Variants in RBMS3 observed in about 807,000 individuals in gnomAD.
RBMS3 encodes the protein RNA-binding motif, single-stranded-interacting protein 3.
Under a neutral mutation model 66.8 loss-of-function variants are expected in RBMS3, and 27 were observed. The ratio of observed to expected loss-of-function variants is 0.40; its 90% confidence interval spans 0.30 to 0.56. The LOEUF (loss-of-function observed/expected upper bound fraction) is 0.56. RBMS3 is among the 20% of genes least tolerant of loss of function. The pLI is 0.40. For missense variants in RBMS3, 513 were observed against 549.5 expected (o/e 0.93, Z 0.66); for synonymous variants, 188 against 183.0 (o/e 1.03, Z -0.22).
At chr3:29,880,758 T>G in intron 7 of RBMS3, 1 of 1,533,892 alleles carries the variant, frequency 6.5e-7, no homozygotes, top group Non-Finnish European at 8.7e-7. Flanking sequence ...CACTATCTCT[T>G]GTTGTCTCCT....
chr3:29,839,936 A>G lies in RBMS3; in HGVS notation c.638-28922A>G, dbSNP rs376776092. Among the ~76,000 whole-genome samples the G allele has an allele frequency of 3.3e-5, 5 of 152,050 alleles. No homozygotes were observed. The East Asian group carries it at 9.6e-4, about 29-fold the overall frequency. ...TAATCTTACTATAAAAATTTTATCTATAACATTTATACCAGTTACCTATCA... is the reference window on the plus strand; with the variant it reads ...TAATCTTACTATAAAAATTTTATCTGTAACATTTATACCAGTTACCTATCA... On this transcript the variant is annotated intron_variant, in intron 6 of 14. Transcript: ENST00000383767.
chr3:29,391,933 C>T (rs570042214), intron 1 of RBMS3, among the ~76,000 whole-genome samples: 1 of 152,114 alleles, frequency 6.6e-6, no homozygotes, highest in South Asian at 2.1e-4. Flanking sequence ...GGAATTATAG[C>T]CATGATAAAT....
intron 4 of RBMS3, among the ~76,000 whole-genome samples, chr3:29,669,845 G>A (rs1274231824): frequency 6.6e-6 from 1 of 152,166 alleles, no homozygotes; most frequent in Non-Finnish European, 1.5e-5. Flanking sequence ...GCACACATGA[G>A]TATGCAATAA....
At chr3:29,880,766 C>T (rs2059717927) in intron 7 of RBMS3, 2 of 1,535,332 alleles carry the variant, frequency 1.3e-6, no homozygotes, top group South Asian at 1.2e-5. Context: ...CTTGTTGTCT[C>T]CTCTTGCCAA....
intron 4 of RBMS3, 21 bp downstream of exon 4, chr3:29,587,226 T>A (rs763049340): frequency 2.6e-6 from 2 of 775,310 alleles, no homozygotes; most frequent in Non-Finnish European, 3.6e-6. Context: ...TGTTTAGGGG[T>A]GTTTTTTTTT....
chr3:29,782,533 G>A (rs57051893), intron 6 of RBMS3, among the ~76,000 whole-genome samples: 1 of 152,244 alleles, frequency 6.6e-6, no homozygotes, highest in African/African-American at 2.4e-5. Flanking sequence ...CTGAACAACA[G>A]CCATTGAATC....
intron 11 of RBMS3, among the ~76,000 whole-genome samples, chr3:29,941,271 GAA>G (rs2061388224): frequency 6.6e-6 from 1 of 151,692 alleles, no homozygotes; most frequent in Non-Finnish European, 1.5e-5. Context: ...TCACTGCTCT[GAA>G]ATTTTGATAG....
intron 12 of RBMS3, among the ~76,000 whole-genome samples, chr3:29,972,933 T>G (rs1697318625): frequency 6.6e-6 from 1 of 152,078 alleles, no homozygotes; most frequent in African/African-American, 2.4e-5. Context: ...CTCAGTTCTT[T>G]CATTTCCAAA....
At chr3:29,728,194 T>TG (rs968589334) in intron 4 of RBMS3, among the ~76,000 whole-genome samples, 2 of 108,098 alleles carry the variant, frequency 1.9e-5, no homozygotes, top group East Asian at 5.5e-4. Context: ...CATCACACAC[T>TG]GGGGGCCTGT....
At chr3:29,632,706 C>A (rs1331591833) in intron 4 of RBMS3, among the ~76,000 whole-genome samples, 2 of 151,762 alleles carry the variant, frequency 1.3e-5, no homozygotes, top group East Asian at 3.9e-4. Flanking sequence ...TTTAAGAACA[C>A]CAAAAGGTAA....
intron 3 of RBMS3, among the ~76,000 whole-genome samples, chr3:29,530,424 T>C (rs1196578874): frequency 1.3e-5 from 2 of 152,060 alleles, no homozygotes; most frequent in African/African-American, 4.8e-5. Flanking sequence ...ACTAAAAAAA[T>C]ACAATTTGTA....
chr3:29,714,458 G>A (rs2053306854), intron 4 of RBMS3, among the ~76,000 whole-genome samples: 1 of 152,116 alleles, frequency 6.6e-6, no homozygotes, highest in Non-Finnish European at 1.5e-5. Context: ...TGGAAATGTT[G>A]AATAGACAGC....
intron 6 of RBMS3, among the ~76,000 whole-genome samples, chr3:29,805,485 A>G (rs1405536883): frequency 6.6e-6 from 1 of 152,040 alleles, no homozygotes; most frequent in African/African-American, 2.4e-5. Flanking sequence ...TTGTTATCAT[A>G]GGAGATGACA....
chr3:29,998,610 C>T (rs536334210), intron 14 of RBMS3, among the ~76,000 whole-genome samples: 2,984 of 152,100 alleles, frequency 0.02, 40 homozygotes, highest in African/African-American at 0.027. Flanking sequence ...GAAATAATGC[C>T]GCATATCTAC....
At chr3:29,609,656 G>T (rs908566984) in intron 4 of RBMS3, among the ~76,000 whole-genome samples, 1 of 152,142 alleles carries the variant, frequency 6.6e-6, no homozygotes, top group East Asian at 1.9e-4. Context: ...TGTTGCCTCT[G>T]TGCCTGGCAA....
chr3:29,835,173 G>A (rs900164992), intron 6 of RBMS3, among the ~76,000 whole-genome samples: 8 of 151,954 alleles, frequency 5.3e-5, no homozygotes, highest in African/African-American at 1.9e-4. Context: ...GAAATAGAGA[G>A]CAATGCAATA....
At chr3:29,679,768 GTA>G (rs34934611) in intron 4 of RBMS3, among the ~76,000 whole-genome samples, 5,011 of 145,246 alleles carry the variant, frequency 0.035, 287 homozygotes, top group African/African-American at 0.12. Flanking sequence ...CTACTTGACT[GTA>G]TATATATATA....
At chr3:29,717,741 T>C (rs933927931) in intron 4 of RBMS3, among the ~76,000 whole-genome samples, 43 of 152,224 alleles carry the variant, frequency 2.8e-4, no homozygotes, top group African/African-American at 5.3e-4. Flanking sequence ...AAATTCAGAC[T>C]CAGTGATTCT....
chr3:30,010,283 A>C lies in RBMS3; in HGVS notation c.*6421A>C, dbSNP rs1473539929. 6.6e-6 allele frequency: 1 copy of C among 152,214 alleles called. No individual in the cohort carries two copies. Among genetic ancestry groups the C allele is most frequent in the East Asian group, 1.9e-4 (1 of 5,202 alleles). The allele number at this position is 152,214 out of a possible 1,614,324, so 9.4% of individuals were successfully genotyped here. A position where few individuals can be genotyped will look rare whatever the true frequency, so the allele number is the denominator to read the frequency against. ...CATCTGTACCACAGTCAAATTAGCAACCATCTCCCCCATCCCTTGGGCTTT... is the reference window on the plus strand; with the variant it reads ...CATCTGTACCACAGTCAAATTAGCACCCATCTCCCCCATCCCTTGGGCTTT... On this transcript the variant is annotated 3_prime_UTR_variant, in exon 15 of 15. Coordinates refer to ENST00000383767, the MANE Select transcript of RBMS3 (RefSeq NM_001003793.3).
Sources: gnomAD v4.1 joint callset for allele counts (sites outside exome capture counted in the v4.1 genomes callset) on GRCh38, gnomAD v4.1.1 for gene constraint, MANE v1.5 for transcripts, NCBI Gene and HGNC (gene_info 2026-07-23, HGNC 2026-07-21) for gene names.